The following TTC28 variants were observed in gnomAD, a reference collection of about 807,000 sequenced individuals.
The protein encoded by TTC28 is tetratricopeptide repeat domain 28, also known as tetratricopeptide repeat protein 28.
In TTC28, 61 loss-of-function variants were observed where a neutral mutation model predicts 198.0. That is an observed-to-expected ratio of 0.31 (90% CI 0.25 to 0.38). TTC28 has a LOEUF of 0.38. Ranked by LOEUF, TTC28 falls within the 10% of genes least tolerant of loss-of-function variation. The pLI is 1.00. For missense variants in TTC28, 2,678 were observed against 3,164.0 expected (o/e 0.85, Z 3.69); for synonymous variants, 1,171 against 1,297.8 (o/e 0.90, Z 2.10).
At chr22:28,493,467 TTC>T (rs1245247739) in intron 2 of TTC28, among the ~76,000 whole-genome samples, 1 of 152,182 alleles carries the variant, frequency 6.6e-6, no homozygotes, top group East Asian at 1.9e-4. Flanking sequence ...AAAACATTCA[TTC>T]TGTCTTTCTA....
At chr22:28,139,640 T>G (rs1943282447) in intron 6 of TTC28, among the ~76,000 whole-genome samples, 1 of 151,794 alleles carries the variant, frequency 6.6e-6, no homozygotes, top group African/African-American at 2.4e-5. Context: ...ACATCAGGTT[T>G]CTACAGTACT....
intron 2 of TTC28, among the ~76,000 whole-genome samples, chr22:28,386,155 G>A (rs2046581829): frequency 6.7e-6 from 1 of 149,108 alleles, no homozygotes; most frequent in Non-Finnish European, 1.5e-5. Flanking sequence ...GGCGCCTGTA[G>A]TCCTAGCTAC....
At chr22:28,197,356 A>G (rs1479650374) in intron 5 of TTC28, among the ~76,000 whole-genome samples, 2 of 151,990 alleles carry the variant, frequency 1.3e-5, no homozygotes, top group East Asian at 1.9e-4. Context: ...CAGCACACCA[A>G]CATGGCACAT....
At chr22:28,634,592 CT>C (rs1188701528) in intron 1 of TTC28, among the ~76,000 whole-genome samples, 59 of 128,402 alleles carry the variant, frequency 4.6e-4, no homozygotes, top group Admixed American at 4.6e-4. Flanking sequence ...TCTTTTTTTT[CT>C]TTTTTTTTTT....
At chr22:28,404,870 G>A (rs925132118) in intron 2 of TTC28, among the ~76,000 whole-genome samples, 7 of 152,160 alleles carry the variant, frequency 4.6e-5, no homozygotes, top group Non-Finnish European at 8.8e-5. Context: ...TGAGTCATAC[G>A]GGGCTGGGAA....
At chr22:28,344,128 A>G (rs889564548) in intron 2 of TTC28, among the ~76,000 whole-genome samples, 2 of 151,248 alleles carry the variant, frequency 1.3e-5, no homozygotes, top group African/African-American at 4.9e-5. Flanking sequence ...TATAATCACT[A>G]GTCTAGCAAT....
At chr22:28,090,922 C>T (rs1293168077) in intron 12 of TTC28, among the ~76,000 whole-genome samples, 2 of 152,074 alleles carry the variant, frequency 1.3e-5, no homozygotes, top group Non-Finnish European at 2.9e-5. Flanking sequence ...CAAGATTACT[C>T]CAAAGCAACA....
intron 1 of TTC28, among the ~76,000 whole-genome samples, chr22:28,645,487 C>T (rs1327003844): frequency 1.3e-5 from 2 of 151,858 alleles, no homozygotes; most frequent in African/African-American, 2.4e-5. Flanking sequence ...TTTAGCCGGG[C>T]GTGGTGGCAT....
At chr22:28,671,964 C>T (rs1019771615) in intron 1 of TTC28, among the ~76,000 whole-genome samples, 4 of 151,846 alleles carry the variant, frequency 2.6e-5, no homozygotes, top group African/African-American at 7.3e-5. Flanking sequence ...GTATGAGCCA[C>T]TGCACCTGGA....
At chr22:28,150,503 A>G (rs544235548) in intron 6 of TTC28, among the ~76,000 whole-genome samples, 3 of 152,314 alleles carry the variant, frequency 2.0e-5, no homozygotes, top group African/African-American at 7.2e-5. Flanking sequence ...AAATTCCTCT[A>G]AAGTCACCCC....
chr22:28,107,409 C>T lies in TTC28; in HGVS notation c.2436G>A (p.Met812Ile), dbSNP rs1473536394. The T allele has an allele frequency of 1.3e-6, 2 of 1,551,664 alleles. No individual in the cohort carries two copies. The highest frequency in any genetic ancestry group is 1.4e-5 in the African/African-American group (1 of 73,038). ...AVYMALGKYTMAFKCYEEQLD... is the reference protein window; with the variant it reads ...AVYMALGKYTIAFKCYEEQLD... ...GTTGCTCTTCATAACACTTGAATGC[C>T]ATTGTGTATTTCCCAAGGGCCATGT... Residue 812 changes from methionine to isoleucine, a missense_variant, in exon 7 of 23, where the codon ATG (methionine) becomes ATA (isoleucine). Transcript: ENST00000397906.
chr22:28,642,679 T>A (rs2051388616), intron 1 of TTC28, among the ~76,000 whole-genome samples: 3 of 151,866 alleles, frequency 2.0e-5, no homozygotes, highest in African/African-American at 7.3e-5. Context: ...ATTAAGGCAA[T>A]AAGGACCAGG....
At chr22:28,533,724 G>A (rs536405037) in intron 2 of TTC28, among the ~76,000 whole-genome samples, 2 of 152,244 alleles carry the variant, frequency 1.3e-5, no homozygotes, top group East Asian at 1.9e-4. Flanking sequence ...ATAGATCAAT[G>A]GAACAAAACA....
intron 2 of TTC28, among the ~76,000 whole-genome samples, chr22:28,618,871 CA>C (rs1001695658): frequency 6.6e-6 from 1 of 151,890 alleles, no homozygotes; most frequent in African/African-American, 2.4e-5. Flanking sequence ...GAAAATATAT[CA>C]CACATATTAA....
At chr22:28,532,547 A>G (rs1027098585) in intron 2 of TTC28, among the ~76,000 whole-genome samples, 7 of 152,152 alleles carry the variant, frequency 4.6e-5, no homozygotes, top group Non-Finnish European at 7.3e-5. Context: ...ATCCTCCCTA[A>G]CTCATTTTAT....
intron 2 of TTC28, among the ~76,000 whole-genome samples, chr22:28,434,199 T>A (rs2047480429): frequency 6.6e-6 from 1 of 152,150 alleles, no homozygotes; most frequent in Admixed American, 6.6e-5. Flanking sequence ...CAATCTGGGA[T>A]CATTTAGTAT....
intron 2 of TTC28, among the ~76,000 whole-genome samples, chr22:28,472,260 G>A (rs149225027): frequency 6.6e-6 from 1 of 151,926 alleles, no homozygotes; most frequent in Non-Finnish European, 1.5e-5. Context: ...AAAATACATT[G>A]ACATTTCTTT....
intron 12 of TTC28, among the ~76,000 whole-genome samples, chr22:28,074,239 G>T (rs1326711641): frequency 6.6e-6 from 1 of 152,094 alleles, no homozygotes; most frequent in Non-Finnish European, 1.5e-5. Context: ...AAAAAAGACT[G>T]GGGAATTTTT....
At chr22:28,114,872 C>T (rs528814509) in intron 6 of TTC28, among the ~76,000 whole-genome samples, 2 of 152,226 alleles carry the variant, frequency 1.3e-5, no homozygotes, top group East Asian at 3.9e-4. Flanking sequence ...AGGGGTAAGC[C>T]AACATGTCAG....
Sources: allele counts gnomAD v4.1 joint callset (sites outside exome capture counted in the v4.1 genomes callset), GRCh38; gene constraint gnomAD v4.1.1; transcripts MANE v1.5; gene names NCBI Gene and HGNC (gene_info 2026-07-23, HGNC 2026-07-21).